The following SETD5 variants were observed in gnomAD, a reference collection of about 807,000 sequenced individuals.
SETD5 encodes SET domain containing 5.
SETD5 carries 44 observed loss-of-function variants against 153.3 expected under a neutral mutation model. That is an observed-to-expected ratio of 0.29 (90% CI 0.23 to 0.37). The LOEUF (loss-of-function observed/expected upper bound fraction) is 0.37. Among genes scored for constraint, SETD5 ranks in the 10% least tolerant of loss-of-function variants. The pLI is 1.00. For missense variants in SETD5, 1,544 were observed against 1,768.0 expected (o/e 0.87, Z 2.27); for synonymous variants, 716 against 645.2 (o/e 1.11, Z -1.66).
At chr3:9,409,905 C>A (rs1236035545) in intron 1 of SETD5, among the ~76,000 whole-genome samples, 1 of 152,090 alleles carries the variant, frequency 6.6e-6, no homozygotes, top group African/African-American at 2.4e-5. Context: ...TGTTTTGTGC[C>A]ACAATACACA....
chr3:9,427,463 T>C (rs1476830507), intron 2 of SETD5, among the ~76,000 whole-genome samples: 1 of 152,124 alleles, frequency 6.6e-6, no homozygotes, highest in Non-Finnish European at 1.5e-5. Flanking sequence ...GGCAGGAGAA[T>C]CTCTTGAAGC....
chr3:9,417,942 G>GTTT lies in SETD5; in HGVS notation c.-176-6511_-176-6509dup, dbSNP rs777339095. 1.5e-4 allele frequency among the ~76,000 whole-genome samples: 19 copies of GTTT among 128,794 alleles called. 1 individual carries two copies. The highest frequency in any genetic ancestry group is 2.9e-4 in the African/African-American group (10 of 34,850). 84.5% of individuals were successfully genotyped at this position (128,794 alleles called of 152,430 possible). On this transcript the variant is annotated intron_variant, in intron 1 of 22. Transcript: ENST00000402198. The stretch of plus-strand genomic sequence containing the variant: ...GCAGAACTGCTAGAACAAGAGTTTT[G>GTTT]TTTTTTTTTTTTTTTTGAGACGGAG...
At chr3:9,462,568 CAG>C (rs1169303985) in intron 17 of SETD5, among the ~76,000 whole-genome samples, 4 of 136,132 alleles carry the variant, frequency 2.9e-5, no homozygotes, top group African/African-American at 1.1e-4. Context: ...GCCTAGGTGA[CAG>C]AGCAAGAGTC....
chr3:9,443,136 G>A (rs2125208562), intron 10 of SETD5, 172 bp from the exon 11 acceptor site: 1 of 555,592 alleles, frequency 1.8e-6, no homozygotes, highest in South Asian at 2.0e-5. Flanking sequence ...TCAAGCCAGT[G>A]CAGTATAATA....
intron 20 of SETD5, 80 bp downstream of exon 20, chr3:9,473,617 A>G (rs140057930): frequency 7.2e-7 from 1 of 1,390,852 alleles, no homozygotes; most frequent in African/African-American, 1.4e-5. Flanking sequence ...AGTTTTACCT[A>G]AAATCTATGG....
chr3:9,417,251 G>C (rs967136245), intron 1 of SETD5, among the ~76,000 whole-genome samples: 4 of 152,166 alleles, frequency 2.6e-5, no homozygotes, highest in African/African-American at 9.7e-5. Flanking sequence ...ATCATAGGGA[G>C]GCGACTGATG....
At chr3:9,443,023 G>GAGCA (rs1174360378) in intron 10 of SETD5, 2 of 307,092 alleles carry the variant, frequency 6.5e-6, no homozygotes, top group Non-Finnish European at 1.3e-5. Context: ...CTGAGCGACA[G>GAGCA]AGCAAGACTG....
intron 19 of SETD5, 63 bp from the exon 20 acceptor site, chr3:9,473,173 G>A: frequency 6.5e-7 from 1 of 1,526,742 alleles, no homozygotes. Context: ...CCTGTTGCTG[G>A]TGATCCACTA....
Position 9,434,615 on chromosome 3 carries a change from G to A in SETD5, c.329+130G>A, listed in dbSNP as rs1000520314. The A allele has an allele frequency of 1.3e-5, 20 of 1,493,804 alleles. No homozygotes were observed. Among genetic ancestry groups the A allele is most frequent in the East Asian group, 4.9e-5 (2 of 40,928 alleles). The allele number at this position is 1,493,804 out of a possible 1,614,324, so 92.5% of individuals were successfully genotyped here. ...ATGATTCCTTAGTGCTCCTTGGCTC[G>A]AATTCTCTGCACTAGGTGAGAATTG... is the stretch of plus-strand genomic sequence containing the variant. On this transcript the variant is annotated intron_variant, in intron 5 of 22. Transcript: ENST00000402198. This position sits in a 1 kb window ranked among gnomAD's most constrained non-coding sequence, Gnocchi z 5.6.
chr3:9,458,990 A>T (rs539066783), intron 17 of SETD5, among the ~76,000 whole-genome samples: 7 of 152,182 alleles, frequency 4.6e-5, no homozygotes, highest in Non-Finnish European at 1.0e-4. Flanking sequence ...GCCACTGAGA[A>T]ATAAGTTTGT....
At chr3:9,429,930 C>A (rs1410415365) in intron 3 of SETD5, 3 of 1,302,324 alleles carry the variant, frequency 2.3e-6, no homozygotes, top group Non-Finnish European at 3.0e-6. Context: ...AGCACACCCC[C>A]AGAAGCCAAG....
At chr3:9,466,708 A>C (rs11927495) in intron 18 of SETD5, among the ~76,000 whole-genome samples, 2 of 152,070 alleles carry the variant, frequency 1.3e-5, no homozygotes, top group Non-Finnish European at 2.9e-5. Context: ...ACATTGTGAA[A>C]TATCAAAAAG....
At chr3:9,430,385 G>T in intron 3 of SETD5, 1 of 971,642 alleles carries the variant, frequency 1.0e-6, no homozygotes, top group Non-Finnish European at 1.2e-6. Flanking sequence ...GGAGGGTTGG[G>T]GGTGGGGAAG....
At chr3:9,457,541 A>T (rs2043410579) in intron 17 of SETD5, among the ~76,000 whole-genome samples, 1 of 150,700 alleles carries the variant, frequency 6.6e-6, no homozygotes, top group Admixed American at 6.6e-5. Context: ...ATATCACTGG[A>T]TAGAAGGATA....
intron 1 of SETD5, among the ~76,000 whole-genome samples, chr3:9,423,520 T>G (rs1343448185): frequency 6.6e-6 from 1 of 152,224 alleles, no homozygotes; most frequent in Non-Finnish European, 1.5e-5. Flanking sequence ...TTTCCTCCTT[T>G]CCTTTTTTTC....
chr3:9,406,030 G>T (rs893142602), intron 1 of SETD5, among the ~76,000 whole-genome samples: 2 of 152,178 alleles, frequency 1.3e-5, no homozygotes, highest in Admixed American at 1.3e-4. Flanking sequence ...GAAGAACCTG[G>T]AAGGACCTGT....
chr3:9,430,915 T>A, intron 3 of SETD5: 1 of 985,468 alleles, frequency 1.0e-6, no homozygotes, highest in African/African-American at 1.7e-5. Context: ...CAGACAGATT[T>A]GTGATACTGT....
In SETD5 at chr3:9,473,509, A is replaced by G; in HGVS notation, c.3469A>G (p.Arg1157Gly). 1 of 1,613,394 alleles carries G rather than the reference A, an allele frequency of 6.2e-7. No individual in the cohort carries two copies. The highest frequency in any genetic ancestry group is 8.5e-7 in the Non-Finnish European group (1 of 1,179,578). ...CAGAGGCACTTCTTCATCTCACTGC[A>G]GACCTCAAGAGAATATCAGCAGTAG... is the stretch of plus-strand genomic sequence containing the variant. ...DSRGTSSSHC[R>G]PQENISSRWM... The change falls in exon 20 of 23, where the codon AGA becomes GGA. Residue 1157 changes from arginine to glycine, a missense_variant. Physicochemically the swap from Arg to Gly is moderately radical, Grantham distance 125 (BLOSUM62 -2). This residue lies in a region of SETD5 where 38 missense variants were observed against 71.4 expected (regional missense o/e 0.53). Coordinates refer to ENST00000402198, the MANE Select transcript of SETD5 (RefSeq NM_001080517.3).
At chr3:9,464,927 C>G (rs1433689219) in intron 18 of SETD5, 3 of 522,854 alleles carry the variant, frequency 5.7e-6, no homozygotes, top group African/African-American at 3.8e-5. Flanking sequence ...GTCCATCAAT[C>G]TCCATAAGTT....
Sources: gnomAD v4.1 joint callset for allele counts (sites outside exome capture counted in the v4.1 genomes callset) on GRCh38, gnomAD v4.1.1 for gene constraint, gnomAD v4.1.1 regional missense constraint, Gnocchi (gnomAD v3.1) non-coding constraint, MANE v1.5 for transcripts, NCBI Gene and HGNC (gene_info 2026-07-23, HGNC 2026-07-21) for gene names.